The following MAGI1 variants were observed in gnomAD, a reference collection of about 807,000 sequenced individuals.
MAGI1 encodes the protein membrane associated guanylate kinase, WW and PDZ domain containing 1.
MAGI1 carries 58 observed loss-of-function variants against 139.9 expected under a neutral mutation model. That is an observed-to-expected ratio of 0.41 (90% CI 0.34 to 0.52). The LOEUF is 0.52. Among genes scored for constraint, MAGI1 ranks in the 20% least tolerant of loss-of-function variants. The pLI is 0.12. For missense variants in MAGI1, 1,874 were observed against 1,901.6 expected, an observed-to-expected ratio of 0.99 and a Z score of 0.27; for synonymous variants, 812 against 737.9, an observed-to-expected ratio of 1.10 and a Z score of -1.63.
At chr3:65,966,151 G>A (rs1244844732) in intron 1 of MAGI1, among the ~76,000 whole-genome samples, 2 of 152,088 alleles carry the variant, frequency 1.3e-5, no homozygotes, top group Non-Finnish European at 2.9e-5. Flanking sequence ...AACAAACTAA[G>A]AGTAATTTGC....
intron 1 of MAGI1, among the ~76,000 whole-genome samples, chr3:65,803,607 G>A (rs1006035598): frequency 1.3e-5 from 2 of 152,086 alleles, no homozygotes; most frequent in Non-Finnish European, 2.9e-5. Flanking sequence ...AGGTAAACTC[G>A]TGTCATGGGA....
chr3:65,805,126 G>T (rs943006086), intron 1 of MAGI1, among the ~76,000 whole-genome samples: 1 of 152,102 alleles, frequency 6.6e-6, no homozygotes, highest in African/African-American at 2.4e-5. Context: ...TACAACAAAA[G>T]AAACTATCAT....
intron 7 of MAGI1, among the ~76,000 whole-genome samples, chr3:65,447,748 C>T (rs1948763809): frequency 6.6e-6 from 1 of 152,220 alleles, no homozygotes. Context: ...CCTCACTTTA[C>T]AAGACTACCC....
Position 65,658,548 on chromosome 3 carries a change from AT to A in MAGI1, c.314-36461del, listed in dbSNP as rs377202643. Among the ~76,000 whole-genome samples, 687 of 152,320 alleles carry A rather than the reference AT, an allele frequency of 4.5e-3. 7 individuals are homozygous for A. The highest frequency in any genetic ancestry group is 0.016 in the African/African-American group (659 of 41,576). ...TTCTGAAATGTTAATACGCATCTCA[AT>A]TATCTAGGGATTTGGTTAAAATGCT... On this transcript the variant is annotated intron_variant, in intron 1 of 22. Coordinates refer to ENST00000402939, the MANE Select transcript of MAGI1 (RefSeq NM_001033057.2).
At chr3:66,032,398 T>C (rs538795275) in intron 1 of MAGI1, among the ~76,000 whole-genome samples, 1 of 149,250 alleles carries the variant, frequency 6.7e-6, no homozygotes, top group South Asian at 2.1e-4. Context: ...TTTTTTTTTT[T>C]TTTAGTAGAG....
chr3:65,376,038 A>C, intron 17 of MAGI1, 93 bp from the exon 18 acceptor site: 1 of 896,412 alleles, frequency 1.1e-6, no homozygotes, highest in Non-Finnish European at 1.7e-6. Flanking sequence ...GAGAAGGTTA[A>C]GTGTTAATAA....
intron 1 of MAGI1, among the ~76,000 whole-genome samples, chr3:65,765,649 T>C (rs942748290): frequency 2.6e-5 from 4 of 152,212 alleles, no homozygotes; most frequent in African/African-American, 9.7e-5. Context: ...TCCTGCTCTT[T>C]AGAAATATTC....
At chr3:65,592,359 C>A (rs1329080187) in intron 2 of MAGI1, among the ~76,000 whole-genome samples, 1 of 152,034 alleles carries the variant, frequency 6.6e-6, no homozygotes, top group Non-Finnish European at 1.5e-5. Context: ...ACTGAACTAG[C>A]ATGCAAAGGG....
At chr3:65,638,006 A>G (rs1576560039) in intron 1 of MAGI1, among the ~76,000 whole-genome samples, 1 of 152,296 alleles carries the variant, frequency 6.6e-6, no homozygotes, top group East Asian at 1.9e-4. Flanking sequence ...GTGACTGAAC[A>G]AGTGAGTGAA....
At chr3:65,411,291 G>A (rs570343979) in intron 12 of MAGI1, among the ~76,000 whole-genome samples, 4 of 152,194 alleles carry the variant, frequency 2.6e-5, no homozygotes, top group South Asian at 2.1e-4. Context: ...CTACCATACC[G>A]ACAACTTGAG....
chr3:65,640,444 C>T (rs1316020319), intron 1 of MAGI1, among the ~76,000 whole-genome samples: 1 of 152,162 alleles, frequency 6.6e-6, no homozygotes, highest in Non-Finnish European at 1.5e-5. Context: ...ACTTATCTTG[C>T]TCTCACCTTT....
At chr3:65,855,731 T>C (rs1323760850) in intron 1 of MAGI1, among the ~76,000 whole-genome samples, 3 of 150,080 alleles carry the variant, frequency 2.0e-5, no homozygotes, top group African/African-American at 4.9e-5. Context: ...AGATAGCACA[T>C]GTAGATTTGT....
chr3:65,722,639 A>C (rs1248466656), intron 1 of MAGI1, among the ~76,000 whole-genome samples: 1 of 151,396 alleles, frequency 6.6e-6, no homozygotes, highest in Non-Finnish European at 1.5e-5. Flanking sequence ...TCTCAAAAAC[A>C]AAAAAATTAC....
intron 1 of MAGI1, among the ~76,000 whole-genome samples, chr3:65,670,432 G>A (rs1203253683): frequency 6.6e-6 from 1 of 151,758 alleles, no homozygotes; most frequent in Non-Finnish European, 1.5e-5. Context: ...CAGAATCTGA[G>A]TTATTTGAAT....
At chr3:65,394,895 T>C (rs1184422424) in intron 13 of MAGI1, among the ~76,000 whole-genome samples, 1 of 152,190 alleles carries the variant, frequency 6.6e-6, no homozygotes, top group African/African-American at 2.4e-5. Flanking sequence ...CAGGAGCAGA[T>C]TTGCATTTAA....
Position 66,038,351 on chromosome 3 carries a change from GGTGCCCCCCACAGCAC to G in MAGI1, c.-59_-44del. ...CTCCAAAAAAATAAAACGAGAGACAGGTGCCCCCCACAGCACGAGCCCCCAAGCCTCCGCTTGTTCA... is the reference window on the plus strand; with the variant it reads ...CTCCAAAAAAATAAAACGAGAGACAGGAGCCCCCAAGCCTCCGCTTGTTCA... On this transcript the variant is annotated 5_prime_UTR_variant, in exon 1 of 23. It introduces an in-frame stop codon into an upstream open reading frame of the 5' UTR. Transcript: ENST00000402939. The G allele has an allele frequency of 6.6e-7, 1 of 1,511,532 alleles. No individual in the cohort carries two copies. The highest frequency in any genetic ancestry group is 8.8e-7 in the Non-Finnish European group (1 of 1,132,848). The allele number at this position is 1,511,532 out of a possible 1,614,324, so 93.6% of individuals were successfully genotyped here.
At chr3:65,619,812 C>T in intron 2 of MAGI1, 1 of 975,146 alleles carries the variant, frequency 1.0e-6, no homozygotes, top group South Asian at 4.7e-5. Context: ...TCTGAATTTC[C>T]TTCCCATTTT....
chr3:65,601,455 T>C (rs2082478578), intron 2 of MAGI1, among the ~76,000 whole-genome samples: 1 of 152,148 alleles, frequency 6.6e-6, no homozygotes, highest in African/African-American at 2.4e-5. Flanking sequence ...ATGCATTTAT[T>C]AGAGAATAAG....
At chr3:65,491,933 C>A (rs1215937866) in intron 3 of MAGI1, among the ~76,000 whole-genome samples, 1 of 152,162 alleles carries the variant, frequency 6.6e-6, no homozygotes, top group Non-Finnish European at 1.5e-5. Flanking sequence ...AAAGACAATG[C>A]TCCTTCCCGT....
Sources: gnomAD v4.1 joint callset for allele counts (sites outside exome capture counted in the v4.1 genomes callset) on GRCh38, gnomAD v4.1.1 for gene constraint, MANE v1.5 for transcripts, NCBI Gene and HGNC (gene_info 2026-07-23, HGNC 2026-07-21) for gene names.